The following DCAF6 variants were observed in gnomAD, a reference collection of about 807,000 sequenced individuals.
DCAF6 encodes the protein DDB1 and CUL4 associated factor 6, also known as DDB1- and CUL4-associated factor 6.
A neutral mutation model predicts 125.1 loss-of-function variants in DCAF6; 54 were observed. The observed-to-expected ratio is 0.43, with a 90% CI of 0.35 to 0.54. The LOEUF is 0.54. DCAF6 is among the 20% of genes least tolerant of loss of function. The pLI, the probability that DCAF6 is intolerant of heterozygous loss-of-function variation, is 0.01. For missense variants in DCAF6, 934 were observed against 1,161.7 expected (o/e 0.80, Z 2.85); for synonymous variants, 371 against 390.4 (o/e 0.95, Z 0.58).
intron 1 of DCAF6, among the ~76,000 whole-genome samples, chr1:167,938,836 T>C (rs538452983): frequency 1.3e-5 from 2 of 152,286 alleles, no homozygotes; most frequent in African/African-American, 4.8e-5. Flanking sequence ...TACCTGCTTT[T>C]CCCCCTCCTA....
At chr1:168,002,832 A>G (rs1302931732) in intron 8 of DCAF6, among the ~76,000 whole-genome samples, 2 of 152,188 alleles carry the variant, frequency 1.3e-5, no homozygotes, top group African/African-American at 4.8e-5. Flanking sequence ...CACTGAAAGT[A>G]TAAGAATGCC....
chr1:167,924,473 C>T, the DCAF6 span: 27 of 1,586,428 alleles, frequency 1.7e-5, no homozygotes, highest in Non-Finnish European at 2.1e-5. Context: ...CTTTCAGTAG[C>T]TTCCGTAAAA....
the DCAF6 span, chr1:167,878,454 A>T: frequency 6.2e-7 from 1 of 1,613,920 alleles, no homozygotes; most frequent in Non-Finnish European, 8.5e-7. Context: ...ACACTTTCTC[A>T]GTACGGCCCC....
the DCAF6 span, among the ~76,000 whole-genome samples, chr1:167,898,739 G>C: frequency 6.6e-6 from 1 of 152,152 alleles, no homozygotes; most frequent in African/African-American, 2.4e-5. Flanking sequence ...TGATGCATGA[G>C]TGTGGGAGTG....
chr1:168,052,411 G>T (rs1361827215), intron 17 of DCAF6, among the ~76,000 whole-genome samples: 5 of 152,156 alleles, frequency 3.3e-5, no homozygotes, highest in African/African-American at 7.2e-5. Context: ...AGCAGAAAAT[G>T]TAACAGTTAC....
the DCAF6 span, among the ~76,000 whole-genome samples, chr1:167,890,123 C>T: frequency 2.0e-5 from 3 of 152,080 alleles, no homozygotes; most frequent in Non-Finnish European, 2.9e-5. Context: ...TGTGGAAGTT[C>T]GTCAGTGTCT....
chr1:168,039,339 T>A (rs1046805851), intron 13 of DCAF6, among the ~76,000 whole-genome samples: 1 of 151,686 alleles, frequency 6.6e-6, no homozygotes, highest in African/African-American at 2.4e-5. Flanking sequence ...TTTTAGTATT[T>A]AATTGATTAT....
At chr1:168,074,637 T>C (rs190145984) in intron 21 of DCAF6, among the ~76,000 whole-genome samples, 111 of 152,242 alleles carry the variant, frequency 7.3e-4, no homozygotes, top group African/African-American at 2.2e-3. Context: ...GAAGTTCATA[T>C]AAGATATTCT....
chr1:168,060,010 AT>A (rs1234147753), intron 17 of DCAF6, among the ~76,000 whole-genome samples: 1 of 152,122 alleles, frequency 6.6e-6, no homozygotes, highest in Non-Finnish European at 1.5e-5. Context: ...TTTTGCATAT[AT>A]TTTTTATAAC....
At chr1:167,980,982 C>T (rs939507278) in intron 4 of DCAF6, among the ~76,000 whole-genome samples, 4 of 147,142 alleles carry the variant, frequency 2.7e-5, no homozygotes, top group African/African-American at 7.5e-5. Flanking sequence ...TCGTGGCTCA[C>T]TGCACCCTCT....
At chr1:167,911,681 G>A in the DCAF6 span, among the ~76,000 whole-genome samples, 192 of 152,288 alleles carry the variant, frequency 1.3e-3, no homozygotes, top group African/African-American at 4.5e-3. Flanking sequence ...AACTGCTGGC[G>A]AGTATACCCT....
intron 4 of DCAF6, among the ~76,000 whole-genome samples, chr1:167,977,343 T>C (rs1446155930): frequency 6.6e-6 from 1 of 151,956 alleles, no homozygotes; most frequent in Non-Finnish European, 1.5e-5. Flanking sequence ...TAAATGCCAG[T>C]TCTTCAAAGA....
rs188154428 is a variant in DCAF6, at chr1:168,036,716, A to G, written c.1610-1655A>G. On this transcript the variant is annotated intron_variant, in intron 12 of 21. Transcript: ENST00000367840. ...ATTTCTGTAAGCTAAAGGTCTATTAATTCAGTTATTTATCAGAATGCCATT... is the reference window on the plus strand; with the variant it reads ...ATTTCTGTAAGCTAAAGGTCTATTAGTTCAGTTATTTATCAGAATGCCATT... Among the ~76,000 whole-genome samples the G allele has an allele frequency of 4.7e-4, 68 of 143,556 alleles. No individual in the cohort carries two copies. In the East Asian group the frequency reaches 0.01, roughly 21 times the overall value. The allele number at this position is 143,556 out of a possible 152,430, so 94.2% of individuals were successfully genotyped here. A position where few individuals can be genotyped will look rare whatever the true frequency, so the allele number is the denominator to read the frequency against.
rs552208317 is a variant in DCAF6 at position 167,967,714 on chromosome 1, C to CTTTTTTTTTTTTTT, written c.252+1006_252+1019dup. 2.9e-4 allele frequency among the ~76,000 whole-genome samples: 22 copies of CTTTTTTTTTTTTTT among 74,578 alleles called. 1 individual carries two copies. The highest frequency in any genetic ancestry group is 1.1e-3 in the African/African-American group (21 of 18,982). 48.9% of individuals were successfully genotyped at this position (74,578 alleles called of 152,430 possible). On this transcript the variant is annotated intron_variant, in intron 3 of 21. Coordinates refer to ENST00000367840, the MANE Select transcript of DCAF6 (RefSeq NM_001198956.2). ...CCTGATTGTCTTAAATTTCCTGTAT[C>CTTTTTTTTTTTTTT]TTTTTTTTTTTTTTTTTTTTTTTTT... is the stretch of plus-strand genomic sequence containing the variant.
the DCAF6 span, chr1:167,904,817 A>T: frequency 3.9e-6 from 3 of 775,486 alleles, no homozygotes; most frequent in African/African-American, 5.2e-5. Context: ...GGAGGATGAG[A>T]GAGAGCCAGG....
At chr1:167,956,831 T>C (rs1479161473) in intron 2 of DCAF6, among the ~76,000 whole-genome samples, 1 of 152,168 alleles carries the variant, frequency 6.6e-6, no homozygotes, top group East Asian at 1.9e-4. Flanking sequence ...CTGTTATTTC[T>C]ATGGCCATCT....
At chr1:167,884,121 T>C in the DCAF6 span, among the ~76,000 whole-genome samples, 1 of 152,156 alleles carries the variant, frequency 6.6e-6, no homozygotes, top group Non-Finnish European at 1.5e-5. Flanking sequence ...ATTATACTCT[T>C]TTAGTTATTT....
At chr1:167,952,747 T>C (rs1008626628) in intron 2 of DCAF6, among the ~76,000 whole-genome samples, 2 of 152,142 alleles carry the variant, frequency 1.3e-5, no homozygotes, top group Non-Finnish European at 1.5e-5. Context: ...AAAGAAAACA[T>C]GACTTCTGCC....
At chr1:167,952,496 G>A (rs1251219104) in intron 2 of DCAF6, among the ~76,000 whole-genome samples, 1 of 152,174 alleles carries the variant, frequency 6.6e-6, no homozygotes, top group Non-Finnish European at 1.5e-5. Context: ...GATTACAGGT[G>A]TGAGCCACTG....
Sources: allele counts gnomAD v4.1 joint callset (sites outside exome capture counted in the v4.1 genomes callset), GRCh38; gene constraint gnomAD v4.1.1; transcripts MANE v1.5; gene names NCBI Gene and HGNC (gene_info 2026-07-23, HGNC 2026-07-21).